The following MACIR variants were observed in gnomAD, a reference collection of about 807,000 sequenced individuals.
The protein encoded by MACIR is UNC119-binding protein C5orf30.
MACIR carries 4 observed loss-of-function variants against 14.3 expected under a neutral mutation model. That is an observed-to-expected ratio of 0.28 (90% CI 0.14 to 0.64). The LOEUF is 0.64. MACIR is among the 30% of genes least tolerant of loss of function. MACIR has a pLI of 0.83. For synonymous variants in MACIR, 101 were observed against 102.4 expected, an observed-to-expected ratio of 0.99 and a Z score of 0.08; for missense variants, 228 against 257.6, an observed-to-expected ratio of 0.89 and a Z score of 0.79.
At position 103,258,852 on chromosome 5, in the gene MACIR, C is replaced by G. The variant is rs1308356534; in HGVS notation, c.-158C>G. On this transcript the variant is annotated 5_prime_UTR_variant, in exon 1 of 3. Transcript: ENST00000319933. ...GCCTCTCCCGCCCCTGTCTCCCGCT[C>G]CGCAGCCCCGGGCACGGCGGAGGCA... is the stretch of plus-strand genomic sequence containing the variant. 2 of 152,404 alleles carry G rather than the reference C, an allele frequency of 1.3e-5. No homozygotes were observed. The highest frequency in any genetic ancestry group is 2.4e-5 in the African/African-American group (1 of 41,462). The allele number at this position is 152,404 out of a possible 1,614,324, so 9.4% of individuals were successfully genotyped here.
intron 2 of MACIR, among the ~76,000 whole-genome samples, chr5:103,267,695 G>A (rs939029136): frequency 6.6e-6 from 1 of 152,108 alleles, no homozygotes; most frequent in South Asian, 2.1e-4. Context: ...GGAAATATGT[G>A]ACAAAGAGTT....
intron 1 of MACIR, among the ~76,000 whole-genome samples, chr5:103,261,166 AAG>A (rs1257800650): frequency 6.6e-6 from 1 of 152,236 alleles, no homozygotes; most frequent in East Asian, 1.9e-4. Context: ...TGATACTAGA[AAG>A]AGAAACACAT....
At chr5:103,274,226 T>A (rs1314352743) in intron 2 of MACIR, among the ~76,000 whole-genome samples, 2 of 152,160 alleles carry the variant, frequency 1.3e-5, no homozygotes, top group Non-Finnish European at 2.9e-5. Flanking sequence ...CATAAAAATT[T>A]GTTGAGGCTT....
chr5:103,265,713 TA>T lies in MACIR; in HGVS notation c.-113-191del, dbSNP rs1205691603. Among the ~76,000 whole-genome samples, 11 of 152,286 alleles carry T rather than the reference TA, an allele frequency of 7.2e-5. No homozygotes were observed. In the East Asian group the frequency reaches 2.1e-3, roughly 29 times the overall value. Reference sequence around the variant, plus strand: ...ACAGAGTACAGAGAAATACACATGATAAAATGTTTGAGGATGCATTTAGGTG... The same window carrying T: ...ACAGAGTACAGAGAAATACACATGATAAATGTTTGAGGATGCATTTAGGTG... On this transcript the variant is annotated intron_variant, in intron 1 of 2. Coordinates refer to ENST00000319933, the MANE Select transcript of MACIR (RefSeq NM_033211.4).
At chr5:103,270,318 T>G (rs1805079909) in intron 2 of MACIR, among the ~76,000 whole-genome samples, 1 of 152,212 alleles carries the variant, frequency 6.6e-6, no homozygotes, top group African/African-American at 2.4e-5. Context: ...CCTGCAGAAA[T>G]ATTCATGTGT....
At chr5:103,261,644 TTCTTTC>T (rs1554236271) in intron 1 of MACIR, among the ~76,000 whole-genome samples, 1 of 57,524 alleles carries the variant, frequency 1.7e-5, no homozygotes, top group Non-Finnish European at 3.4e-5. Flanking sequence ...TTCTTTTTCT[TTCTTTC>T]TTTCTTTCTT....
At position 103,261,690 on chromosome 5, in the gene MACIR, CT is replaced by C. The variant is rs782108782; in HGVS notation, c.-114+2797del. Reference sequence around the variant, plus strand: ...TCTTTCTTTCTTTCTTTCTTTCTTTCTTTCTTTCTTTCTTCCTTTCTTTCTT... The same window carrying C: ...TCTTTCTTTCTTTCTTTCTTTCTTTCTTCTTTCTTTCTTCCTTTCTTTCTT... On this transcript the variant is annotated intron_variant, in intron 1 of 2. Coordinates refer to ENST00000319933, the MANE Select transcript of MACIR (RefSeq NM_033211.4). 1.5e-3 allele frequency among the ~76,000 whole-genome samples: 183 copies of C among 120,208 alleles called. 1 individual carries two copies. The highest frequency in any genetic ancestry group is 4.8e-3 in the African/African-American group (141 of 29,262). 78.9% of individuals were successfully genotyped at this position (120,208 alleles called of 152,430 possible). A position where few individuals can be genotyped will look rare whatever the true frequency, so the allele number is the denominator to read the frequency against.
At position 103,276,215 on chromosome 5, in the gene MACIR, G is replaced by A. The variant is rs782813606; in HGVS notation, c.296G>A (p.Gly99Glu). ...PSLRSKQLDA[G>E]LARSSRLYKT... ...TTACGCTCCAAACAGCTAGATGCAG[G>A]ACTTGCCCGTTCCTCTCGTTTGTAT... Residue 99 changes from glycine (G) to glutamate (E), a missense_variant, in exon 3 of 3, where the codon GGA (glycine) becomes GAA (glutamate). Gly to Glu is a moderately conservative substitution (Grantham distance 98). Coordinates refer to ENST00000319933, the MANE Select transcript of MACIR (RefSeq NM_033211.4). The A allele has an allele frequency of 2.5e-6, 4 of 1,613,544 alleles. No individual in the cohort carries two copies. The highest frequency in any genetic ancestry group is 2.2e-5 in the East Asian group (1 of 44,862).
In MACIR at chr5:103,265,893, G is replaced by T. The variant is rs1804908633; in HGVS notation, c.-113-15G>T. 2.0e-5 allele frequency: 3 copies of T among 151,982 alleles called. No homozygotes were observed. The highest frequency in any genetic ancestry group is 1.3e-4 in the Admixed American group (2 of 15,258). 9.4% of individuals were successfully genotyped at this position (151,982 alleles called of 1,614,324 possible). On this transcript the variant is annotated splice_polypyrimidine_tract_variant and intron_variant, in intron 1 of 2. Coordinates refer to ENST00000319933, the MANE Select transcript of MACIR (RefSeq NM_033211.4). ...CTTGTTAAATTAAAGGTTTATTTTT[G>T]TATTTCATGTTTAGTACCTGGAGTA...
At chr5:103,267,683 G>A (rs1354786782) in intron 2 of MACIR, among the ~76,000 whole-genome samples, 4 of 152,120 alleles carry the variant, frequency 2.6e-5, no homozygotes, top group African/African-American at 9.7e-5. Context: ...CATCTGAAAC[G>A]TGGAAATATG....
At position 103,278,215 on chromosome 5, in the gene MACIR, T is replaced by C. The variant is rs1214742251; in HGVS notation, c.*1675T>C. On this transcript the variant is annotated 3_prime_UTR_variant, in exon 3 of 3. Coordinates refer to ENST00000319933, the MANE Select transcript of MACIR (RefSeq NM_033211.4). The stretch of plus-strand genomic sequence containing the variant: ...GACGAATGATCACTAAGATTAGCTA[T>C]ATCTATACAGTCATTAGTTTGACAA... The C allele has an allele frequency of 6.0e-6, 1 of 167,014 alleles. No individual in the cohort carries two copies. The highest frequency in any genetic ancestry group is 1.5e-5 in the Non-Finnish European group (1 of 68,098). The allele number at this position is 167,014 out of a possible 1,614,324, so 10.3% of individuals were successfully genotyped here.
chr5:103,258,816 C>T lies in MACIR; in HGVS notation c.-194C>T, dbSNP rs1804551682. The T allele has an allele frequency of 6.6e-6, 1 of 152,304 alleles. No homozygotes were observed. The highest frequency in any genetic ancestry group is 1.5e-5 in the Non-Finnish European group (1 of 68,104). 9.4% of individuals were successfully genotyped at this position (152,304 alleles called of 1,614,324 possible). A position where few individuals can be genotyped will look rare whatever the true frequency, so the allele number is the denominator to read the frequency against. On this transcript the variant is annotated 5_prime_UTR_variant, in exon 1 of 3. Coordinates refer to ENST00000319933, the MANE Select transcript of MACIR (RefSeq NM_033211.4). ...GCGGCCTCTGCCTGGATCTCGGCGCCGCAGTCCTGCGCCTCTCCCGCCCCT... is the reference window on the plus strand; with the variant it reads ...GCGGCCTCTGCCTGGATCTCGGCGCTGCAGTCCTGCGCCTCTCCCGCCCCT...
At chr5:103,259,173 G>A (rs984700592) in intron 1 of MACIR, 3 of 152,354 alleles carry the variant, frequency 2.0e-5, no homozygotes, top group South Asian at 4.1e-4. Flanking sequence ...GCACCCGAAG[G>A]GGACTGGGGT....
At chr5:103,270,474 A>T (rs1411985088) in intron 2 of MACIR, among the ~76,000 whole-genome samples, 6 of 152,198 alleles carry the variant, frequency 3.9e-5, no homozygotes, top group Admixed American at 3.9e-4. Context: ...GGGGATGAAG[A>T]ATGATTTTGC....
intron 2 of MACIR, among the ~76,000 whole-genome samples, chr5:103,274,121 G>A (rs1317936114): frequency 3.3e-5 from 5 of 152,130 alleles, no homozygotes; most frequent in Non-Finnish European, 7.4e-5. Flanking sequence ...GGAGGCCTTG[G>A]CTATGTCCTC....
At position 103,276,513 on chromosome 5, in the gene MACIR, C is replaced by T. The variant is rs1314558245; in HGVS notation, c.594C>T (p.Asp198=). The T allele has an allele frequency of 6.2e-7, 1 of 1,611,586 alleles. No individual in the cohort carries two copies. Among genetic ancestry groups the T allele is most frequent in the Non-Finnish European group, 8.5e-7 (1 of 1,179,086 alleles). The change falls in exon 3 of 3, where the codon GAC becomes GAT. Residue 198 remains aspartate, a synonymous_variant. Coordinates refer to ENST00000319933, the MANE Select transcript of MACIR (RefSeq NM_033211.4). ...TTCAACACCTAACCCTCCGAGGGGACCGTGTGTTTGCTAGGAATAATACAT... is the reference window on the plus strand; with the variant it reads ...TTCAACACCTAACCCTCCGAGGGGATCGTGTGTTTGCTAGGAATAATACAT... ...YQLQHLTLRG[D]RVFARNNT is the part of the protein sequence containing the mutation.
Position 103,276,768 on chromosome 5 carries a change from T to C in MACIR, c.*228T>C. On this transcript the variant is annotated 3_prime_UTR_variant, in exon 3 of 3. Coordinates refer to ENST00000319933, the MANE Select transcript of MACIR (RefSeq NM_033211.4). Reference sequence around the variant, plus strand: ...CGCAACTGCAAAGAAAACAGAATGTTGACTGTTAGTTTGTATAGCTTTTTA... The same window carrying C: ...CGCAACTGCAAAGAAAACAGAATGTCGACTGTTAGTTTGTATAGCTTTTTA... 2.4e-6 allele frequency: 1 copy of C among 411,360 alleles called. No homozygotes were observed. 25.5% of individuals were successfully genotyped at this position (411,360 alleles called of 1,614,324 possible).
intron 2 of MACIR, among the ~76,000 whole-genome samples, chr5:103,275,695 C>T (rs533658674): frequency 4.1e-4 from 63 of 152,140 alleles, no homozygotes; most frequent in Non-Finnish European, 7.9e-4. Context: ...ATTTAACTTG[C>T]CTTTCAGTTC....
chr5:103,267,088 G>A (rs1293290501), intron 2 of MACIR, among the ~76,000 whole-genome samples: 1 of 152,060 alleles, frequency 6.6e-6, no homozygotes, highest in African/African-American at 2.4e-5. Context: ...CTACAGGAAT[G>A]TATGTGTATC....
Sources: gnomAD v4.1 joint callset for allele counts (sites outside exome capture counted in the v4.1 genomes callset) on GRCh38, gnomAD v4.1.1 for gene constraint, MANE v1.5 for transcripts, NCBI Gene and HGNC (gene_info 2026-07-23, HGNC 2026-07-21) for gene names.